Variants in ST3GAL4 observed in about 807,000 individuals in gnomAD.
ST3GAL4 encodes ST3 beta-galactoside alpha-2,3-sialyltransferase 4.
ST3GAL4 carries 24 observed loss-of-function variants against 42.6 expected under a neutral mutation model. The observed-to-expected ratio is 0.56, with a 90% CI of 0.41 to 0.79. The LOEUF is 0.79. ST3GAL4 is among the 30% of genes least tolerant of loss of function. The pLI, the probability that ST3GAL4 is intolerant of heterozygous loss-of-function variation, is 0.00. For synonymous variants in ST3GAL4, 135 were observed against 163.2 expected (o/e 0.83, Z 1.32); for missense variants, 311 against 430.8 (o/e 0.72, Z 2.46).
rs1261976984 is a variant in ST3GAL4, at chr11:126,366,247, G to A, written c.-61+10405G>A. Among the ~76,000 whole-genome samples the A allele has an allele frequency of 6.6e-6, 1 of 152,198 alleles. No homozygotes were observed. The highest frequency in any genetic ancestry group is 1.5e-5 in the Non-Finnish European group (1 of 68,032). On this transcript the variant is annotated intron_variant, in intron 1 of 10. Transcript: ENST00000444328. This position sits in a 1 kb window ranked among gnomAD's most constrained non-coding sequence, Gnocchi z 4.2. The stretch of plus-strand genomic sequence containing the variant: ...TGGGGGAGGTAAAGCAGCAGCAGCT[G>A]CTGTAGCTGAGCCCGGCCCACGGCC...
rs1023808479 is a variant in ST3GAL4, at chr11:126,355,834, C to T, written c.-69C>T. 4 of 150,352 alleles carry T rather than the reference C, an allele frequency of 2.7e-5. No homozygotes were observed. The South Asian group carries it at 6.2e-4, about 23-fold the overall frequency. 9.3% of individuals were successfully genotyped at this position (150,352 alleles called of 1,614,324 possible). On this transcript the variant is annotated 5_prime_UTR_variant, in exon 1 of 11. Coordinates refer to ENST00000444328, the MANE Select transcript of ST3GAL4 (RefSeq NM_001254757.2). The surrounding 1 kb of genome is among the most constrained non-coding windows in gnomAD (Gnocchi z 7.1). ...AACCGTGCTGCCCCGCCCCGCTCCACCCGTGAGGGTGAGTACGCGGCGGCG... is the reference window on the plus strand; with the variant it reads ...AACCGTGCTGCCCCGCCCCGCTCCATCCGTGAGGGTGAGTACGCGGCGGCG...
Position 126,359,238 on chromosome 11 carries a change from TAAC to T in ST3GAL4, c.-61+3399_-61+3401del, listed in dbSNP as rs1280527497. 6.7e-6 allele frequency among the ~76,000 whole-genome samples: 1 copy of T among 149,558 alleles called. No individual in the cohort carries two copies. The highest frequency in any genetic ancestry group is 1.5e-5 in the Non-Finnish European group (1 of 67,544). ...CCATAATGAAAATGGCCTCAGCAAATAACAAAAATATTACCATTTAGCAATCAG... is the reference window on the plus strand; with the variant it reads ...CCATAATGAAAATGGCCTCAGCAAATAAAAATATTACCATTTAGCAATCAG... On this transcript the variant is annotated intron_variant, in intron 1 of 10. Coordinates refer to ENST00000444328, the MANE Select transcript of ST3GAL4 (RefSeq NM_001254757.2). This position sits in a 1 kb window ranked among gnomAD's most constrained non-coding sequence, Gnocchi z 4.8.
In ST3GAL4 at chr11:126,379,717, A is replaced by T. The variant is rs1952931050; in HGVS notation, c.-61+23875A>T. On this transcript the variant is annotated intron_variant, in intron 1 of 10. Coordinates refer to ENST00000444328, the MANE Select transcript of ST3GAL4 (RefSeq NM_001254757.2). This position sits in a 1 kb window ranked among gnomAD's most constrained non-coding sequence, Gnocchi z 4.2. ...GGTCTCAAACTCCTGACCTTAGGCG[A>T]TCCAACCACCTTGGCCTCCTTAAGT... Among the ~76,000 whole-genome samples, 1 of 151,966 alleles carries T rather than the reference A, an allele frequency of 6.6e-6. No homozygotes were observed. Among genetic ancestry groups the T allele is most frequent in the Non-Finnish European group, 1.5e-5 (1 of 67,962 alleles).
rs1253387452 is a variant in ST3GAL4, at chr11:126,383,170, T to C, written c.-60-22926T>C. On this transcript the variant is annotated intron_variant, in intron 1 of 10. Transcript: ENST00000444328. This position sits in a 1 kb window ranked among gnomAD's most constrained non-coding sequence, Gnocchi z 4.5. ...CCTGCTGGGGACACACCTGTGGGGC[T>C]CATAGGCGTGGCTGGGTCTCCTCTC... Among the ~76,000 whole-genome samples the C allele has an allele frequency of 1.3e-5, 2 of 152,150 alleles. No individual in the cohort carries two copies. Among genetic ancestry groups the C allele is most frequent in the Non-Finnish European group, 2.9e-5 (2 of 68,010 alleles).
chr11:126,396,791 C>T lies in ST3GAL4; in HGVS notation c.-60-9305C>T, dbSNP rs373373803. ...CTCCACTCCTCACGAGCTGTACAACCTGGGCCGGTTACTGACCCCTTTCCC... is the reference window on the plus strand; with the variant it reads ...CTCCACTCCTCACGAGCTGTACAACTTGGGCCGGTTACTGACCCCTTTCCC... On this transcript the variant is annotated intron_variant, in intron 1 of 10. Coordinates refer to ENST00000444328, the MANE Select transcript of ST3GAL4 (RefSeq NM_001254757.2). The surrounding 1 kb of genome is among the most constrained non-coding windows in gnomAD (Gnocchi z 5.8). 6.6e-6 allele frequency among the ~76,000 whole-genome samples: 1 copy of T among 151,252 alleles called. No homozygotes were observed. The highest frequency in any genetic ancestry group is 1.5e-5 in the Non-Finnish European group (1 of 67,888).
At chr11:126,390,520 T>C (rs567056725) in intron 1 of ST3GAL4, among the ~76,000 whole-genome samples, 53 of 152,188 alleles carry the variant, frequency 3.5e-4, no homozygotes, top group Admixed American at 7.9e-4. Context: ...GATTTGGTTT[T>C]AATATGTATT....
rs1371263489 is a variant in ST3GAL4 at position 126,373,192 on chromosome 11, T to C, written c.-61+17350T>C. On this transcript the variant is annotated intron_variant, in intron 1 of 10. Transcript: ENST00000444328. This position sits in a 1 kb window ranked among gnomAD's most constrained non-coding sequence, Gnocchi z 5.5. ...GCTGCTCTGGAGAGGCGGTGCTGCTTTGGAGATGGATTAATCAGGAACTTG... is the reference window on the plus strand; with the variant it reads ...GCTGCTCTGGAGAGGCGGTGCTGCTCTGGAGATGGATTAATCAGGAACTTG... 2.0e-5 allele frequency among the ~76,000 whole-genome samples: 3 copies of C among 152,004 alleles called. No homozygotes were observed. The highest frequency in any genetic ancestry group is 6.6e-5 in the Admixed American group (1 of 15,264).
chr11:126,381,966 G>A (rs192058147), intron 1 of ST3GAL4, among the ~76,000 whole-genome samples: 126 of 151,982 alleles, frequency 8.3e-4, no homozygotes, highest in Non-Finnish European at 1.6e-3. Context: ...GGCTGGTCCC[G>A]GGCCCCCTCC....
intron 1 of ST3GAL4, among the ~76,000 whole-genome samples, chr11:126,371,250 T>G (rs768937560): frequency 4.2e-5 from 6 of 142,150 alleles, no homozygotes; most frequent in Non-Finnish European, 6.0e-5. Flanking sequence ...CTGCAATCTC[T>G]GCCTCCCAGA....
rs559317983 is a variant in ST3GAL4 at position 126,392,722 on chromosome 11, G to A, written c.-60-13374G>A. On this transcript the variant is annotated intron_variant, in intron 1 of 10. Transcript: ENST00000444328. This position sits in a 1 kb window ranked among gnomAD's most constrained non-coding sequence, Gnocchi z 5.8. ...AGAAGTCCCTGCTTGCTGGGAGTGC[G>A]TGGTCTAATTGGTACTTGGGACAGT... 2.3e-4 allele frequency among the ~76,000 whole-genome samples: 35 copies of A among 152,306 alleles called. No individual in the cohort carries two copies. Among genetic ancestry groups the A allele is most frequent in the South Asian group, 1.5e-3 (7 of 4,822 alleles).
At position 126,383,033 on chromosome 11, in the gene ST3GAL4, C is replaced by T. The variant is rs1473703330; in HGVS notation, c.-60-23063C>T. On this transcript the variant is annotated intron_variant, in intron 1 of 10. Transcript: ENST00000444328. This position sits in a 1 kb window ranked among gnomAD's most constrained non-coding sequence, Gnocchi z 4.5. Reference sequence around the variant, plus strand: ...GAGAGGCTGAGACAGGCCCAGAGGACAGTGAGTGTGTGTTGTGTGGGTGCC... The same window carrying T: ...GAGAGGCTGAGACAGGCCCAGAGGATAGTGAGTGTGTGTTGTGTGGGTGCC... Among the ~76,000 whole-genome samples the T allele has an allele frequency of 6.6e-6, 1 of 152,212 alleles. No homozygotes were observed. Among genetic ancestry groups the T allele is most frequent in the African/African-American group, 2.4e-5 (1 of 41,452 alleles).
intron 1 of ST3GAL4, among the ~76,000 whole-genome samples, chr11:126,380,904 T>C (rs1565403798): frequency 6.6e-6 from 1 of 152,202 alleles, no homozygotes; most frequent in Non-Finnish European, 1.5e-5. Context: ...TCAGACCATA[T>C]CCAGGTGAGC....
chr11:126,407,780 C>A, intron 6 of ST3GAL4, 146 bp downstream of exon 6: 1 of 915,806 alleles, frequency 1.1e-6, no homozygotes, highest in Non-Finnish European at 1.6e-6. Context: ...CTAGCCTGGG[C>A]ATCTGGGTGC....
In ST3GAL4 at chr11:126,392,236, G is replaced by A. The variant is rs762130300; in HGVS notation, c.-60-13860G>A. ...GTTGACCCCCGTTAGGAGGAAGTAA[G>A]TAGGAAGGAAGGAGATTTCCTGGGT... On this transcript the variant is annotated intron_variant, in intron 1 of 10. Coordinates refer to ENST00000444328, the MANE Select transcript of ST3GAL4 (RefSeq NM_001254757.2). The surrounding 1 kb of genome is among the most constrained non-coding windows in gnomAD (Gnocchi z 5.8). The A allele has an allele frequency of 2.3e-5, 20 of 857,520 alleles. No individual in the cohort carries two copies. The highest frequency in any genetic ancestry group is 2.7e-5 in the Non-Finnish European group (19 of 712,980). 53.1% of individuals were successfully genotyped at this position (857,520 alleles called of 1,614,324 possible).
chr11:126,371,163 C>CTTATTTTTTTTTTTATTTTT (rs1555082244), intron 1 of ST3GAL4, among the ~76,000 whole-genome samples: 2 of 59,974 alleles, frequency 3.3e-5, no homozygotes, highest in Admixed American at 2.4e-4. Flanking sequence ...CCCCACATTC[C>CTTATTTTTTTTTTTATTTTT]TTTTTTTTTT....
chr11:126,402,960 T>C lies in ST3GAL4; in HGVS notation c.-60-3136T>C, dbSNP rs553735028. ...GGTGAGAGGCTGGTCCCCTTGGACA[T>C]GAGTGGATTCGATGCCTGCTTTCCC... is the stretch of plus-strand genomic sequence containing the variant. On this transcript the variant is annotated intron_variant, in intron 1 of 10. Transcript: ENST00000444328. Among the ~76,000 whole-genome samples the C allele has an allele frequency of 5.9e-5, 9 of 152,278 alleles. No individual in the cohort carries two copies. The East Asian group carries it at 9.6e-4, about 16-fold the overall frequency.
At chr11:126,369,147 C>T (rs568698961) in intron 1 of ST3GAL4, among the ~76,000 whole-genome samples, 17 of 152,298 alleles carry the variant, frequency 1.1e-4, no homozygotes, top group African/African-American at 3.9e-4. Flanking sequence ...TGTTCTAGGG[C>T]TTGAGATCAG....
rs758506923 is a variant in ST3GAL4 at position 126,409,314 on chromosome 11, A to G, written c.674A>G (p.Asn225Ser). The change falls in exon 9 of 11, where the codon AAT becomes AGT. Residue 225 changes from asparagine (N) to serine (S), a missense_variant. Transcript: ENST00000444328. This position sits in a 1 kb window ranked among gnomAD's most constrained non-coding sequence, Gnocchi z 4.9. ...CAGCCTCCCCTCATCTGGGATGTCA[A>G]TCCTAAACAGATTCGGATTCTCAAC... ...WKQPPLIWDV[N>S]PKQIRILNPF... The G allele has an allele frequency of 8.1e-6, 13 of 1,614,108 alleles. No homozygotes were observed. The highest frequency in any genetic ancestry group is 6.7e-5 in the East Asian group (3 of 44,900).
chr11:126,413,465 G>A (rs1254197291), intron 9 of ST3GAL4, 40 bp from the exon 10 acceptor site: 1 of 1,608,258 alleles, frequency 6.2e-7, no homozygotes, highest in South Asian at 1.1e-5. Context: ...GGTGGGAGGA[G>A]CAGGGCTCCC....
Sources: allele counts gnomAD v4.1 joint callset (sites outside exome capture counted in the v4.1 genomes callset), GRCh38; gene constraint gnomAD v4.1.1; non-coding constraint Gnocchi (gnomAD v3.1); transcripts MANE v1.5; gene names NCBI Gene and HGNC (gene_info 2026-07-23, HGNC 2026-07-21).